The following EXOC6B variants were observed in gnomAD, a reference collection of about 807,000 sequenced individuals.
EXOC6B encodes the protein exocyst complex component 6B.
Under a neutral mutation model 113.5 loss-of-function variants are expected in EXOC6B, and 54 were observed. The observed-to-expected ratio is 0.48, with a 90% CI of 0.38 to 0.60. EXOC6B has a LOEUF of 0.60. Ranked by LOEUF, EXOC6B falls within the 20% of genes least tolerant of loss-of-function variation. The probability of loss-of-function intolerance (pLI) is 0.00; values close to 1 mark genes in which losing one functional copy is unlikely to be tolerated. For synonymous variants in EXOC6B, 357 were observed against 339.0 expected (o/e 1.05, Z -0.58); for missense variants, 797 against 977.5 (o/e 0.82, Z 2.46).
At chr2:72,790,861 T>C (rs1286202955) in intron 1 of EXOC6B, among the ~76,000 whole-genome samples, 1 of 152,092 alleles carries the variant, frequency 6.6e-6, no homozygotes, top group Non-Finnish European at 1.5e-5. Flanking sequence ...TGATACCACA[T>C]GTTCTCATTT....
At chr2:72,196,699 A>C (rs1441496004) in intron 20 of EXOC6B, among the ~76,000 whole-genome samples, 1 of 152,208 alleles carries the variant, frequency 6.6e-6, no homozygotes, top group Non-Finnish European at 1.5e-5. Context: ...TTAAGTAAAC[A>C]CTAGTTCCCA....
intron 20 of EXOC6B, among the ~76,000 whole-genome samples, chr2:72,271,888 C>T (rs1198307418): frequency 6.6e-6 from 1 of 152,124 alleles, no homozygotes; most frequent in Non-Finnish European, 1.5e-5. Flanking sequence ...TTCCCTTCCA[C>T]TCCACATGCT....
chr2:72,667,686 A>G (rs562959148), intron 6 of EXOC6B, among the ~76,000 whole-genome samples: 2 of 152,326 alleles, frequency 1.3e-5, no homozygotes, highest in East Asian at 3.9e-4. Flanking sequence ...GAAGAATGAA[A>G]CTGGACCCCT....
intron 20 of EXOC6B, among the ~76,000 whole-genome samples, chr2:72,300,705 G>A (rs1380626442): frequency 6.6e-6 from 1 of 152,234 alleles, no homozygotes; most frequent in Non-Finnish European, 1.5e-5. Context: ...CATGGGAAAA[G>A]TGCAGTATCT....
At chr2:72,823,481 A>AAAAAC (rs779825606) in intron 1 of EXOC6B, among the ~76,000 whole-genome samples, 2 of 142,212 alleles carry the variant, frequency 1.4e-5, no homozygotes, top group South Asian at 2.1e-4. Context: ...AAAAAAAACA[A>AAAAAC]AAAACAAAAA....
intron 15 of EXOC6B, among the ~76,000 whole-genome samples, chr2:72,493,742 T>A (rs1196149498): frequency 1.3e-5 from 2 of 152,112 alleles, no homozygotes; most frequent in Non-Finnish European, 2.9e-5. Context: ...GTTTTACGTA[T>A]TCAGAATTCA....
At chr2:72,179,785 C>T (rs539396979) in intron 21 of EXOC6B, among the ~76,000 whole-genome samples, 22 of 152,284 alleles carry the variant, frequency 1.4e-4, no homozygotes, top group African/African-American at 5.3e-4. Flanking sequence ...GTGTCTGGGA[C>T]AGGGAACAGC....
chr2:72,661,446 C>A (rs773922474), intron 6 of EXOC6B, among the ~76,000 whole-genome samples: 1 of 147,772 alleles, frequency 6.8e-6, no homozygotes, highest in African/African-American at 2.5e-5. Flanking sequence ...ATATCAATAT[C>A]ATAAATATCA....
intron 16 of EXOC6B, among the ~76,000 whole-genome samples, chr2:72,485,361 C>G (rs1470100009): frequency 1.3e-5 from 2 of 152,192 alleles, no homozygotes; most frequent in Non-Finnish European, 2.9e-5. Flanking sequence ...AAACCTTCAA[C>G]AGGACTAATC....
intron 18 of EXOC6B, chr2:72,463,853 G>A (rs959308425): frequency 6.6e-6 from 1 of 152,154 alleles, no homozygotes; most frequent in Non-Finnish European, 1.5e-5. Flanking sequence ...TCACAGTTCT[G>A]GAGGCTTGGA....
intron 6 of EXOC6B, among the ~76,000 whole-genome samples, chr2:72,639,003 C>T (rs1247937597): frequency 6.6e-6 from 1 of 152,210 alleles, no homozygotes; most frequent in Admixed American, 6.5e-5. Context: ...CACTGGCAGA[C>T]AGTGCCTTAC....
chr2:72,177,613 G>A lies in EXOC6B; in HGVS notation c.*1722C>T, dbSNP rs1677811232. ...CTCAGCAGCATCTATGAGCTCACAT[G>A]TAGCCTGGTCTCTCCAGCTTTGAGG... On this transcript the variant is annotated 3_prime_UTR_variant, in exon 22 of 22. Coordinates refer to ENST00000272427, the MANE Select transcript of EXOC6B (RefSeq NM_015189.3). 1.3e-5 allele frequency: 2 copies of A among 152,198 alleles called. No individual in the cohort carries two copies. Among genetic ancestry groups the A allele is most frequent in the South Asian group, 2.1e-4 (1 of 4,824 alleles). 9.4% of individuals were successfully genotyped at this position (152,198 alleles called of 1,614,324 possible).
chr2:72,742,530 T>A (rs1344404193), intron 1 of EXOC6B, among the ~76,000 whole-genome samples: 1 of 152,126 alleles, frequency 6.6e-6, no homozygotes, highest in Non-Finnish European at 1.5e-5. Context: ...CAAAACTCCC[T>A]TCCACTTCCT....
intron 5 of EXOC6B, among the ~76,000 whole-genome samples, chr2:72,730,387 G>A (rs545101422): frequency 2.0e-4 from 31 of 152,138 alleles, no homozygotes; most frequent in Admixed American, 2.0e-3. Flanking sequence ...ATAGGAAAAA[G>A]GCTGACTGTG....
chr2:72,634,523 G>A lies in EXOC6B; in HGVS notation c.670-58855C>T, dbSNP rs538845846. 1.1e-3 allele frequency among the ~76,000 whole-genome samples: 164 copies of A among 152,242 alleles called. 1 individual carries two copies. Among genetic ancestry groups the A allele is most frequent in the Middle Eastern group, 6.8e-3 (2 of 294 alleles). ...GGAGCTTGGATTTTACACACCAACA[G>A]AAAGTAACAAAGAAATCTTACATGG... On this transcript the variant is annotated intron_variant, in intron 6 of 21. Coordinates refer to ENST00000272427, the MANE Select transcript of EXOC6B (RefSeq NM_015189.3).
In EXOC6B at chr2:72,265,446, T is replaced by C. The variant is rs1358717612; in HGVS notation, c.2196+69501A>G. Among the ~76,000 whole-genome samples the C allele has an allele frequency of 4.1e-5, 6 of 145,560 alleles. No individual in the cohort carries two copies. In the East Asian group the frequency reaches 1.1e-3, roughly 26 times the overall value. ...AGTCCCCAGAGTGTGATGTTCCCCT[T>C]CCTGTGTCCCTGTGTTTTCATTGTT... On this transcript the variant is annotated intron_variant, in intron 20 of 21. Transcript: ENST00000272427.
chr2:72,422,661 G>A (rs1694964412), intron 18 of EXOC6B, among the ~76,000 whole-genome samples: 1 of 151,454 alleles, frequency 6.6e-6, no homozygotes. Flanking sequence ...GCTGTGGTAG[G>A]GCCTTGGAGA....
At chr2:72,241,643 A>G (rs1682317157) in intron 20 of EXOC6B, among the ~76,000 whole-genome samples, 1 of 152,156 alleles carries the variant, frequency 6.6e-6, no homozygotes, top group South Asian at 2.1e-4. Flanking sequence ...TCTTACCTAT[A>G]TAGAAGCAAG....
At chr2:72,613,118 G>T (rs2104106374) in intron 6 of EXOC6B, among the ~76,000 whole-genome samples, 1 of 152,220 alleles carries the variant, frequency 6.6e-6, no homozygotes, top group East Asian at 1.9e-4. Flanking sequence ...ATATTTCGAT[G>T]TATTTTTTGA....
Sources: gnomAD v4.1 joint callset for allele counts (sites outside exome capture counted in the v4.1 genomes callset) on GRCh38, gnomAD v4.1.1 for gene constraint, MANE v1.5 for transcripts, NCBI Gene and HGNC (gene_info 2026-07-23, HGNC 2026-07-21) for gene names.